Variants in EYS observed in about 807,000 individuals in gnomAD.
The protein encoded by EYS is protein eyes shut homolog.
In EYS, 250 loss-of-function variants were observed where a neutral mutation model predicts 282.1. That is an observed-to-expected ratio of 0.89 (90% CI 0.80 to 0.98). The LOEUF is 0.98. EYS is among the 50% of genes least tolerant of loss of function. The probability of loss-of-function intolerance (pLI) is 0.00; values close to 1 mark genes in which losing one functional copy is unlikely to be tolerated. For missense variants in EYS, 4,016 were observed against 3,709.0 expected, an observed-to-expected ratio of 1.08 and a Z score of -2.15; for synonymous variants, 1,355 against 1,282.9, an observed-to-expected ratio of 1.06 and a Z score of -1.20.
At chr6:64,420,265 C>T (rs1470195409) in intron 28 of EYS, among the ~76,000 whole-genome samples, 2 of 151,690 alleles carry the variant, frequency 1.3e-5, no homozygotes, top group African/African-American at 4.8e-5. Context: ...ATGCAAGGCA[C>T]CAATTCCCTA....
At chr6:65,088,771 C>G (rs1774461345) in intron 12 of EYS, among the ~76,000 whole-genome samples, 1 of 152,172 alleles carries the variant, frequency 6.6e-6, no homozygotes, top group South Asian at 2.1e-4. Context: ...ATGGCAGCCC[C>G]TCCCATCACA....
chr6:64,845,412 A>G (rs1269221651), intron 19 of EYS, among the ~76,000 whole-genome samples: 1 of 152,168 alleles, frequency 6.6e-6, no homozygotes, highest in Non-Finnish European at 1.5e-5. Flanking sequence ...TGGTCTTAGA[A>G]TCTTTATTCA....
chr6:64,451,318 G>GA (rs558448526), intron 26 of EYS, among the ~76,000 whole-genome samples: 170 of 152,272 alleles, frequency 1.1e-3, no homozygotes, highest in Non-Finnish European at 2.1e-3. Flanking sequence ...GGAAGAAGTT[G>GA]AATCTCTGAA....
chr6:64,326,222 G>T (rs1770417260), intron 29 of EYS, among the ~76,000 whole-genome samples: 1 of 152,010 alleles, frequency 6.6e-6, no homozygotes, highest in Admixed American at 6.6e-5. Context: ...CAAGTTAAAA[G>T]AGAATATTAA....
At chr6:64,032,548 C>G (rs1165690067) in intron 33 of EYS, among the ~76,000 whole-genome samples, 2 of 152,174 alleles carry the variant, frequency 1.3e-5, no homozygotes, top group Non-Finnish European at 2.9e-5. Flanking sequence ...AGCACAGACC[C>G]TACGGGTTAA....
intron 5 of EYS, among the ~76,000 whole-genome samples, chr6:65,444,112 G>T (rs1040155626): frequency 1.3e-5 from 2 of 151,944 alleles, no homozygotes; most frequent in Middle Eastern, 3.2e-3. Context: ...GCATATTACT[G>T]AAAATTGCTG....
intron 1 of EYS, among the ~76,000 whole-genome samples, chr6:65,679,669 G>A (rs1232102640): frequency 6.6e-6 from 1 of 151,854 alleles, no homozygotes; most frequent in Non-Finnish European, 1.5e-5. Context: ...CTAAAAAACT[G>A]TTAATAAGAT....
chr6:65,454,541 G>C (rs1205815623), intron 5 of EYS, among the ~76,000 whole-genome samples: 1 of 149,810 alleles, frequency 6.7e-6, no homozygotes, highest in Non-Finnish European at 1.5e-5. Flanking sequence ...TGCTTTTGTT[G>C]CCTGTGCTTT....
chr6:65,579,051 TCTGA>T (rs1764779560), intron 2 of EYS, among the ~76,000 whole-genome samples: 1 of 152,142 alleles, frequency 6.6e-6, no homozygotes, highest in South Asian at 2.1e-4. Flanking sequence ...TTACTTTTGC[TCTGA>T]CTGGATTAAG....
rs1028572471 is a variant in EYS at position 64,821,777 on chromosome 6, C to T, written c.3165-54G>A. ...CAAATAAGTAGATGTTAAAGCATAA[C>T]TTCAAGGGAGTTTCACCATTTAAAC... On this transcript the variant is annotated intron_variant, in intron 20 of 42. Transcript: ENST00000503581. 4.8e-6 allele frequency: 5 copies of T among 1,050,538 alleles called. No individual in the cohort carries two copies. In the Admixed American group the frequency reaches 7.0e-5, roughly 15 times the overall value. 65.1% of individuals were successfully genotyped at this position (1,050,538 alleles called of 1,614,324 possible). A position where few individuals can be genotyped will look rare whatever the true frequency, so the allele number is the denominator to read the frequency against.
At chr6:65,064,853 C>T (rs116238083) in intron 12 of EYS, among the ~76,000 whole-genome samples, 2,126 of 152,082 alleles carry the variant, frequency 0.014, 25 homozygotes, top group Non-Finnish European at 0.02. Context: ...TATATGCAAA[C>T]CTTGGACTGA....
intron 21 of EYS, among the ~76,000 whole-genome samples, chr6:64,819,828 A>T (rs1439348616): frequency 6.6e-6 from 1 of 152,038 alleles, no homozygotes; most frequent in Non-Finnish European, 1.5e-5. Flanking sequence ...AGTAGATTTT[A>T]TCTATAATTT....
At chr6:64,699,071 T>G (rs1423961514) in intron 22 of EYS, among the ~76,000 whole-genome samples, 1 of 152,070 alleles carries the variant, frequency 6.6e-6, no homozygotes, top group Non-Finnish European at 1.5e-5. Flanking sequence ...TTAATCAACT[T>G]AAATGCCCAT....
chr6:64,187,202 CCTT>C (rs1380740866), intron 31 of EYS, among the ~76,000 whole-genome samples: 1 of 152,020 alleles, frequency 6.6e-6, no homozygotes, highest in Admixed American at 6.6e-5. Flanking sequence ...TTTTTATCTC[CCTT>C]CTTATCTTTA....
intron 18 of EYS, among the ~76,000 whole-genome samples, chr6:64,890,294 T>C (rs1323323744): frequency 6.6e-6 from 1 of 152,156 alleles, no homozygotes; most frequent in Non-Finnish European, 1.5e-5. Context: ...TCCATTTGCC[T>C]TGTGATATTC....
chr6:65,218,735 C>T (rs1305957062), intron 12 of EYS, among the ~76,000 whole-genome samples: 1 of 151,964 alleles, frequency 6.6e-6, no homozygotes, highest in South Asian at 2.1e-4. Flanking sequence ...AGATGTCTCA[C>T]CAGAAATACT....
chr6:65,082,043 A>T (rs780081376), intron 12 of EYS, among the ~76,000 whole-genome samples: 2 of 152,016 alleles, frequency 1.3e-5, no homozygotes, highest in Non-Finnish European at 2.9e-5. Flanking sequence ...AAACTTTACA[A>T]TTACCCTGAG....
chr6:64,465,092 A>G (rs1198330367), intron 26 of EYS, among the ~76,000 whole-genome samples: 4 of 152,032 alleles, frequency 2.6e-5, no homozygotes, highest in African/African-American at 7.2e-5. Context: ...ACAAAACAAC[A>G]TTGACGAAAT....
At chr6:63,816,076 A>T (rs549965462) in intron 36 of EYS, among the ~76,000 whole-genome samples, 62 of 152,338 alleles carry the variant, frequency 4.1e-4, no homozygotes, top group African/African-American at 1.5e-3. Context: ...CCACAACACC[A>T]CATGATGTTT....
Sources: gnomAD v4.1 joint callset for allele counts (sites outside exome capture counted in the v4.1 genomes callset) on GRCh38, gnomAD v4.1.1 for gene constraint, MANE v1.5 for transcripts, NCBI Gene and HGNC (gene_info 2026-07-23, HGNC 2026-07-21) for gene names.